PIK3C2G: variants seen among roughly 807,000 people sequenced by gnomAD.
The protein encoded by PIK3C2G is phosphatidylinositol 3-kinase C2 domain-containing subunit gamma.
PIK3C2G carries 168 observed loss-of-function variants against 181.1 expected under a neutral mutation model. That is an observed-to-expected ratio of 0.93 (90% confidence interval 0.82 to 1.05). The LOEUF is 1.05. Ranked by LOEUF, PIK3C2G falls within the 50% of genes least tolerant of loss-of-function variation. The pLI, the probability that PIK3C2G is intolerant of heterozygous loss-of-function variation, is 0.00. For synonymous variants in PIK3C2G, 573 were observed against 592.2 expected (o/e 0.97, Z 0.47); for missense variants, 1,869 against 1,732.8 (o/e 1.08, Z -1.40).
chr12:18,583,595 C>A (rs1946615689), intron 29 of PIK3C2G, among the ~76,000 whole-genome samples: 1 of 152,112 alleles, frequency 6.6e-6, no homozygotes, highest in African/African-American at 2.4e-5. Context: ...ACCCCCAGCA[C>A]AGAGCACCCA....
In PIK3C2G at chr12:18,503,189, G is replaced by GAA. The variant is rs1323164519; in HGVS notation, c.3017-92_3017-91insAA. ...ATTTGAAAAGGAAAGGGGTAATCCAGTAGTGCTGGAAGCTATTGTTGTTAT... is the reference window on the plus strand; with the variant it reads ...ATTTGAAAAGGAAAGGGGTAATCCAGAATAGTGCTGGAAGCTATTGTTGTTAT... On this transcript the variant is annotated intron_variant, in intron 22 of 32. Coordinates refer to ENST00000538779, the MANE Select transcript of PIK3C2G (RefSeq NM_001288772.2). The GAA allele has an allele frequency of 2.8e-3, 2,391 of 854,458 alleles. 15 individuals are homozygous for GAA. The highest frequency in any genetic ancestry group is 3.0e-3 in the Non-Finnish European group (1,708 of 560,024). The allele number at this position is 854,458 out of a possible 1,614,324, so 52.9% of individuals were successfully genotyped here. A position where few individuals can be genotyped will look rare whatever the true frequency, so the allele number is the denominator to read the frequency against.
At chr12:18,466,443 G>C (rs184939254) in intron 18 of PIK3C2G, among the ~76,000 whole-genome samples, 2 of 149,200 alleles carry the variant, frequency 1.3e-5, no homozygotes, top group African/African-American at 5.1e-5. Flanking sequence ...TTCAGACTTT[G>C]TATTAAAGTA....
chr12:18,486,661 TA>T (rs764529586), intron 18 of PIK3C2G, among the ~76,000 whole-genome samples: 48 of 148,532 alleles, frequency 3.2e-4, no homozygotes, highest in Admixed American at 8.1e-4. Context: ...TAAAAATACT[TA>T]AAAAAAAAAC....
intron 16 of PIK3C2G, among the ~76,000 whole-genome samples, chr12:18,416,283 A>G (rs529687725): frequency 6.6e-6 from 1 of 151,810 alleles, no homozygotes; most frequent in Non-Finnish European, 1.5e-5. Context: ...AGGAAGGAAG[A>G]AAGCAAGCAA....
the PIK3C2G span, among the ~76,000 whole-genome samples, chr12:18,699,067 T>C: frequency 6.6e-6 from 1 of 152,132 alleles, no homozygotes; most frequent in Non-Finnish European, 1.5e-5. Flanking sequence ...CCGTTTTACC[T>C]TGGGCACTGC....
At chr12:18,383,699 T>C (rs1942984066) in intron 14 of PIK3C2G, among the ~76,000 whole-genome samples, 1 of 152,136 alleles carries the variant, frequency 6.6e-6, no homozygotes, top group South Asian at 2.1e-4. Context: ...GGTTTGGACA[T>C]GATTATCTGG....
At chr12:18,446,621 T>C (rs113973685) in intron 18 of PIK3C2G, among the ~76,000 whole-genome samples, 10 of 152,318 alleles carry the variant, frequency 6.6e-5, no homozygotes, top group African/African-American at 2.4e-4. Context: ...GCATTTTCTG[T>C]TTAGACCCTG....
intron 30 of PIK3C2G, among the ~76,000 whole-genome samples, chr12:18,598,235 C>G (rs1260574579): frequency 6.6e-6 from 1 of 151,844 alleles, no homozygotes; most frequent in Non-Finnish European, 1.5e-5. Context: ...ATCACACTAC[C>G]TGACTTCAAA....
chr12:18,654,794 T>C, the PIK3C2G span, among the ~76,000 whole-genome samples: 1 of 152,146 alleles, frequency 6.6e-6, no homozygotes, highest in Admixed American at 6.6e-5. Flanking sequence ...GAACAAGGGA[T>C]AAGTGACAAA....
intron 31 of PIK3C2G, among the ~76,000 whole-genome samples, chr12:18,638,491 G>T (rs1949699538): frequency 6.6e-6 from 1 of 152,172 alleles, no homozygotes; most frequent in African/African-American, 2.4e-5. Context: ...TAGACACTTT[G>T]TGAAGCTTGG....
chr12:18,546,208 A>G, intron 25 of PIK3C2G, 115 bp from the exon 26 acceptor site: 2 of 646,088 alleles, frequency 3.1e-6, no homozygotes, highest in East Asian at 2.8e-5. Context: ...ACTGAAAGAC[A>G]TTGCCATGCA....
At chr12:18,632,250 T>C (rs1291923487) in intron 31 of PIK3C2G, among the ~76,000 whole-genome samples, 5 of 152,216 alleles carry the variant, frequency 3.3e-5, no homozygotes, top group Non-Finnish European at 7.3e-5. Context: ...TATATTCATG[T>C]TTAATTCCTA....
intron 1 of PIK3C2G, among the ~76,000 whole-genome samples, chr12:18,269,889 C>A (rs927186552): frequency 2.7e-5 from 4 of 150,102 alleles, no homozygotes; most frequent in African/African-American, 7.3e-5. Flanking sequence ...GACAAGTTAC[C>A]CTTTTTTCTT....
At chr12:18,503,439 T>C (rs912608888) in intron 23 of PIK3C2G, 22 bp downstream of exon 23, 2 of 1,546,654 alleles carry the variant, frequency 1.3e-6, no homozygotes, top group Non-Finnish European at 1.7e-6. Context: ...TGCAGATCAT[T>C]TTAAATAATG....
chr12:18,567,606 A>G (rs1257426405), intron 29 of PIK3C2G, among the ~76,000 whole-genome samples: 1 of 151,774 alleles, frequency 6.6e-6, no homozygotes, highest in Non-Finnish European at 1.5e-5. Flanking sequence ...AGGAGTAAGA[A>G]TCATTCCCGA....
At chr12:18,613,247 A>C (rs1948434046) in intron 31 of PIK3C2G, among the ~76,000 whole-genome samples, 1 of 151,994 alleles carries the variant, frequency 6.6e-6, no homozygotes, top group African/African-American at 2.4e-5. Flanking sequence ...GCATTCCAGA[A>C]GGTGCTAAAC....
At chr12:18,306,990 A>G (rs1477022592) in intron 5 of PIK3C2G, among the ~76,000 whole-genome samples, 2 of 151,174 alleles carry the variant, frequency 1.3e-5, no homozygotes, top group African/African-American at 4.9e-5. Flanking sequence ...ATTTATTCCA[A>G]TGAAAGAGCA....
intron 26 of PIK3C2G, among the ~76,000 whole-genome samples, chr12:18,559,859 GAGAGAGAC>G (rs1292055725): frequency 1.0e-4 from 13 of 129,060 alleles, no homozygotes; most frequent in African/African-American, 2.4e-4. Context: ...GAGAGAGAGA[GAGAGAGAC>G]AGTTTTGCTC....
At chr12:18,606,958 T>C (rs1361008201) in intron 30 of PIK3C2G, among the ~76,000 whole-genome samples, 2 of 152,148 alleles carry the variant, frequency 1.3e-5, no homozygotes, top group African/African-American at 2.4e-5. Flanking sequence ...CTCTTGTTAT[T>C]AAATAAATGT....
Sources: gnomAD v4.1 joint callset for allele counts (sites outside exome capture counted in the v4.1 genomes callset) on GRCh38, gnomAD v4.1.1 for gene constraint, MANE v1.5 for transcripts, NCBI Gene and HGNC (gene_info 2026-07-23, HGNC 2026-07-21) for gene names.